Variants in ZNF485 observed in about 807,000 individuals in gnomAD.
ZNF485 encodes Zinc finger protein 93 (Zinc finger protein HTF34).
In ZNF485, 9 loss-of-function variants were observed where a neutral mutation model predicts 10.8. That is an observed-to-expected ratio of 0.83 (90% confidence interval 0.50 to 1.45). ZNF485 has a LOEUF of 1.45. ZNF485 is among the 40% of genes most tolerant of loss of function. The pLI, the probability that ZNF485 is intolerant of heterozygous loss-of-function variation, is 0.00. For synonymous variants in ZNF485, 187 were observed against 181.0 expected (o/e 1.03, Z -0.27); for missense variants, 487 against 528.0 (o/e 0.92, Z 0.76).
rs1019906029 is a variant in ZNF485 at position 43,617,814 on chromosome 10, A to G, written c.*445A>G. ...GAAATATACCCATGATAATATACCCAATATACCCTTGTTAAAGAAGCAAGT... is the reference window on the plus strand; with the variant it reads ...GAAATATACCCATGATAATATACCCGATATACCCTTGTTAAAGAAGCAAGT... On this transcript the variant is annotated 3_prime_UTR_variant, in exon 5 of 5. Coordinates refer to ENST00000361807, the MANE Select transcript of ZNF485 (RefSeq NM_145312.4). 6.5e-6 allele frequency: 1 copy of G among 154,216 alleles called. No homozygotes were observed. The highest frequency in any genetic ancestry group is 2.4e-5 in the African/African-American group (1 of 41,470). 9.6% of individuals were successfully genotyped at this position (154,216 alleles called of 1,614,324 possible). A position where few individuals can be genotyped will look rare whatever the true frequency, so the allele number is the denominator to read the frequency against.
intron 4 of ZNF485, among the ~76,000 whole-genome samples, chr10:43,615,401 A>C (rs996631409): frequency 2.6e-5 from 4 of 151,134 alleles, no homozygotes; most frequent in African/African-American, 9.8e-5. Flanking sequence ...ATTGATTGGT[A>C]ATTTTTTTTT....
intron 4 of ZNF485, among the ~76,000 whole-genome samples, chr10:43,609,885 A>C (rs990250612): frequency 1.3e-5 from 2 of 152,026 alleles, no homozygotes; most frequent in Non-Finnish European, 2.9e-5. Flanking sequence ...GAGTGTCGCT[A>C]TATTAGTCAC....
intron 1 of ZNF485, among the ~76,000 whole-genome samples, 174 bp from the exon 2 acceptor site, chr10:43,606,823 A>T (rs887799454): frequency 2.2e-4 from 33 of 152,210 alleles, no homozygotes; most frequent in Non-Finnish European, 4.4e-4. Context: ...AGCTGGCTGC[A>T]GTCCAGGCCG....
chr10:43,609,122 C>A, intron 3 of ZNF485, 133 bp from the exon 4 acceptor site: 1 of 698,918 alleles, frequency 1.4e-6, no homozygotes, highest in Non-Finnish European at 2.4e-6. Flanking sequence ...CCTCTCTGAC[C>A]TGTCCATGCT....
At chr10:43,615,076 C>T (rs1034247652) in intron 4 of ZNF485, among the ~76,000 whole-genome samples, 16 of 152,176 alleles carry the variant, frequency 1.1e-4, no homozygotes, top group Non-Finnish European at 7.3e-5. Flanking sequence ...CTGGGCTTCA[C>T]CTTCAACTTA....
At chr10:43,615,318 A>G (rs1419010137) in intron 4 of ZNF485, among the ~76,000 whole-genome samples, 3 of 143,124 alleles carry the variant, frequency 2.1e-5, no homozygotes, top group South Asian at 2.3e-4. Flanking sequence ...TGTCTGAATC[A>G]TTTCGCTCTG....
At chr10:43,611,300 TC>T (rs1386210569) in intron 4 of ZNF485, among the ~76,000 whole-genome samples, 23 of 152,196 alleles carry the variant, frequency 1.5e-4, no homozygotes, top group Non-Finnish European at 2.9e-4. Context: ...ACTCGTGGCC[TC>T]AAGCAATCCT....
chr10:43,611,336 G>T (rs1398489928), intron 4 of ZNF485, among the ~76,000 whole-genome samples: 2 of 152,006 alleles, frequency 1.3e-5, no homozygotes, highest in Non-Finnish European at 2.9e-5. Flanking sequence ...CTAAAGTACT[G>T]GGATTACAGG....
chr10:43,617,509 A>G lies in ZNF485; in HGVS notation c.*140A>G. Reference sequence around the variant, plus strand: ...AGGATATTCATTGTGAGGTTCTACTAGTGAAATATTTGAAGAAACTAAATG... The same window carrying G: ...AGGATATTCATTGTGAGGTTCTACTGGTGAAATATTTGAAGAAACTAAATG... On this transcript the variant is annotated 3_prime_UTR_variant, in exon 5 of 5. Transcript: ENST00000361807. 3.0e-6 allele frequency: 2 copies of G among 661,788 alleles called. No individual in the cohort carries two copies. The highest frequency in any genetic ancestry group is 2.8e-5 in the Admixed American group (1 of 35,860). 41.0% of individuals were successfully genotyped at this position (661,788 alleles called of 1,614,324 possible). A position where few individuals can be genotyped will look rare whatever the true frequency, so the allele number is the denominator to read the frequency against.
rs768133543 is a variant in ZNF485, at chr10:43,617,367, T to G, written c.1324T>G (p.Ter442GluextTer12). Residue 442 changes from the stop codon to glutamate, a stop_lost, in exon 5 of 5, where the codon TAG becomes GAG. Transcript: ENST00000361807. ...TAAAGAAAGAGCCATGAAATGTAGT[T>G]AGTGTGGCAAATTGTGCAGAGTAGT... ...HNKERAMKCS[*>E] 1 of 1,540,886 alleles carries G rather than the reference T, an allele frequency of 6.5e-7. No homozygotes were observed. Among genetic ancestry groups the G allele is most frequent in the East Asian group, 2.3e-5 (1 of 44,394 alleles).
Position 43,616,447 on chromosome 10 carries a change from G to A in ZNF485, c.404G>A (p.Cys135Tyr), listed in dbSNP as rs2132354713. 1 of 1,614,148 alleles carries A rather than the reference G, an allele frequency of 6.2e-7. No individual in the cohort carries two copies. The highest frequency in any genetic ancestry group is 2.2e-5 in the East Asian group (1 of 44,886). ...GAGAAGAACTATAAGTGCAAGGAAT[G>A]TGGGAAAGTCTTCAAATACAATTCG... is the stretch of plus-strand genomic sequence containing the variant. ...STEKNYKCKE[C>Y]GKVFKYNSSF... The change falls in exon 5 of 5, where the codon TGT (cysteine) becomes TAT (tyrosine). Residue 135 changes from cysteine (C) to tyrosine (Y), a missense_variant. Coordinates refer to ENST00000361807, the MANE Select transcript of ZNF485 (RefSeq NM_145312.4).
intron 4 of ZNF485, 100 bp from the exon 5 acceptor site, chr10:43,616,190 CT>C (rs932280828): frequency 2.1e-6 from 2 of 957,818 alleles, no homozygotes; most frequent in Non-Finnish European, 3.0e-6. Flanking sequence ...TTTTCATAAC[CT>C]TTAGTTATGT....
chr10:43,607,204 C>A, intron 2 of ZNF485, 130 bp downstream of exon 2: 2 of 1,047,724 alleles, frequency 1.9e-6, no homozygotes, highest in Non-Finnish European at 2.9e-6. Context: ...ATGGGTCCCG[C>A]GATTTCCGTC....
intron 2 of ZNF485, 149 bp from the exon 3 acceptor site, chr10:43,608,465 C>T: frequency 9.8e-7 from 1 of 1,017,830 alleles, no homozygotes; most frequent in East Asian, 2.7e-5. Context: ...GGAGGAGTCG[C>T]ACATCCCCTG....
chr10:43,617,445 A>G lies in ZNF485; in HGVS notation c.*76A>G. 9.4e-7 allele frequency: 1 copy of G among 1,059,494 alleles called. No homozygotes were observed. The allele number at this position is 1,059,494 out of a possible 1,614,324, so 65.6% of individuals were successfully genotyped here. A position where few individuals can be genotyped will look rare whatever the true frequency, so the allele number is the denominator to read the frequency against. On this transcript the variant is annotated 3_prime_UTR_variant, in exon 5 of 5. Coordinates refer to ENST00000361807, the MANE Select transcript of ZNF485 (RefSeq NM_145312.4). ...ACATTAAATAAATTATGCATTTAACAGAAATACTCTGTACTTCTGAGAGAA... is the reference window on the plus strand; with the variant it reads ...ACATTAAATAAATTATGCATTTAACGGAAATACTCTGTACTTCTGAGAGAA...
intron 4 of ZNF485, among the ~76,000 whole-genome samples, chr10:43,610,988 C>T (rs1028774780): frequency 1.3e-5 from 2 of 152,114 alleles, no homozygotes; most frequent in Non-Finnish European, 2.9e-5. Context: ...TCTTAGAAGT[C>T]ATTTGACATA....
At position 43,616,819 on chromosome 10, in the gene ZNF485, G is replaced by C. The variant is rs771386204; in HGVS notation, c.776G>C (p.Arg259Pro). 2.5e-6 allele frequency: 4 copies of C among 1,613,848 alleles called. No homozygotes were observed. The highest frequency in any genetic ancestry group is 1.1e-5 in the South Asian group (1 of 91,080). The part of the protein sequence containing the change: ...KAFAQNAALT[R>P]HERIHSGEKP... ...TTCGCTCAGAATGCAGCTCTTACTC[G>C]TCATGAAAGAATACATAGTGGAGAG... The change falls in exon 5 of 5, where the codon CGT (arginine) becomes CCT (proline). Residue 259 changes from arginine (R) to proline (P), a missense_variant. Arg to Pro is a moderately radical substitution (Grantham distance 103). Coordinates refer to ENST00000361807, the MANE Select transcript of ZNF485 (RefSeq NM_145312.4).
In ZNF485 at chr10:43,613,524, T is replaced by C. The variant is rs541907201; in HGVS notation, c.248-2767T>C. On this transcript the variant is annotated intron_variant, in intron 4 of 4. Coordinates refer to ENST00000361807, the MANE Select transcript of ZNF485 (RefSeq NM_145312.4). ...AGGTTCTCAGGCATGCTGATGCTGG[T>C]GCTGTGGGGCTGGAGCCCATGCTTG... Among the ~76,000 whole-genome samples, 16 of 152,362 alleles carry C rather than the reference T, an allele frequency of 1.1e-4. No individual in the cohort carries two copies. The East Asian group carries it at 2.9e-3, about 28-fold the overall frequency.
intron 2 of ZNF485, 103 bp downstream of exon 2, chr10:43,607,177 A>T: frequency 7.2e-7 from 1 of 1,397,928 alleles, no homozygotes; most frequent in Non-Finnish European, 9.9e-7. Context: ...GGACAAAGCT[A>T]CCCGAACCAA....
Sources: gnomAD v4.1 joint callset for allele counts (sites outside exome capture counted in the v4.1 genomes callset) on GRCh38, gnomAD v4.1.1 for gene constraint, MANE v1.5 for transcripts, NCBI Gene and HGNC (gene_info 2026-07-23, HGNC 2026-07-21) for gene names.